The following AVEN variants were observed in gnomAD, a reference collection of about 807,000 sequenced individuals.
AVEN encodes the protein apoptosis and caspase activation inhibitor.
Under a neutral mutation model 38.1 loss-of-function variants are expected in AVEN, and 41 were observed. That is an observed-to-expected ratio of 1.08 (90% CI 0.84 to 1.40). AVEN has a LOEUF of 1.40. Among genes scored for constraint, AVEN ranks in the 40% most tolerant of loss-of-function variants. The pLI is 0.00. For missense variants in AVEN, 605 were observed against 438.8 expected (o/e 1.38, Z -3.38); for synonymous variants, 206 against 171.8 (o/e 1.20, Z -1.56).
chr15:33,980,883 C>T (rs986434911), intron 2 of AVEN, among the ~76,000 whole-genome samples: 1 of 152,136 alleles, frequency 6.6e-6, no homozygotes, highest in African/African-American at 2.4e-5. Context: ...AAAAATACAG[C>T]TAAATGTAGC....
chr15:33,909,906 A>G (rs969488702), intron 2 of AVEN, among the ~76,000 whole-genome samples: 3 of 151,732 alleles, frequency 2.0e-5, no homozygotes, highest in African/African-American at 7.3e-5. Flanking sequence ...AGGCGGGTGG[A>G]TCACCTGAGG....
chr15:33,983,211 T>C lies in AVEN; in HGVS notation c.445+19821A>G, dbSNP rs371298232. On this transcript the variant is annotated intron_variant, in intron 2 of 5. Coordinates refer to ENST00000306730, the MANE Select transcript of AVEN (RefSeq NM_020371.3). ...GTGTGTATGTGTGTGTATATATATA[T>C]ATACATATATATACACACACATACA... Among the ~76,000 whole-genome samples the C allele has an allele frequency of 8.6e-3, 125 of 14,524 alleles. 1 individual carries two copies. Among genetic ancestry groups the C allele is most frequent in the African/African-American group, 0.026 (112 of 4,322 alleles). The allele number at this position is 14,524 out of a possible 152,430, so 9.5% of individuals were successfully genotyped here.
At position 34,039,118 on chromosome 15, in the gene AVEN, C is replaced by G; in HGVS notation, c.-72G>C. On this transcript the variant is annotated 5_prime_UTR_variant, in exon 1 of 6. Coordinates refer to ENST00000306730, the MANE Select transcript of AVEN (RefSeq NM_020371.3). Reference sequence around the variant, plus strand: ...GGAGACGCCCTGGCCCCACCGGAAGCGGGCCGCACGGAGGAGCCGCGAGCG... The same window carrying G: ...GGAGACGCCCTGGCCCCACCGGAAGGGGGCCGCACGGAGGAGCCGCGAGCG... The G allele has an allele frequency of 9.5e-7, 1 of 1,048,558 alleles. No individual in the cohort carries two copies. Among genetic ancestry groups the G allele is most frequent in the Non-Finnish European group, 1.1e-6 (1 of 870,694 alleles). The allele number at this position is 1,048,558 out of a possible 1,614,324, so 65.0% of individuals were successfully genotyped here. A position where few individuals can be genotyped will look rare whatever the true frequency, so the allele number is the denominator to read the frequency against.
intron 2 of AVEN, among the ~76,000 whole-genome samples, chr15:33,912,643 C>T (rs1207676445): frequency 6.6e-6 from 1 of 152,146 alleles, no homozygotes; most frequent in Non-Finnish European, 1.5e-5. Context: ...CTAATCTTAG[C>T]TCTGTATGTT....
chr15:33,890,083 G>T (rs1000339799), intron 2 of AVEN, among the ~76,000 whole-genome samples: 16 of 152,222 alleles, frequency 1.1e-4, no homozygotes, highest in African/African-American at 3.9e-4. Context: ...GTGCATCACT[G>T]ATAGTGTCTA....
downstream of AVEN, among the ~76,000 whole-genome samples, chr15:33,863,835 T>TA (rs1365915084): frequency 6.6e-6 from 1 of 152,232 alleles, no homozygotes; most frequent in Admixed American, 6.5e-5. Context: ...TTTATTGTTT[T>TA]ATTAGAATTT....
At chr15:33,931,349 C>CTTTTTTTTTTTTTTTTTTTTTTTTTTTTT (rs71119903) in intron 2 of AVEN, among the ~76,000 whole-genome samples, 1 of 89,296 alleles carries the variant, frequency 1.1e-5, no homozygotes, top group African/African-American at 5.2e-5. Context: ...TGAATATTTT[C>CTTTTTTTTTTTTTTTTTTTTTTTTTTTTT]TTTTTTTTTT....
chr15:34,022,339 C>T (rs1898237608), intron 1 of AVEN, among the ~76,000 whole-genome samples: 1 of 152,234 alleles, frequency 6.6e-6, no homozygotes, highest in Non-Finnish European at 1.5e-5. Flanking sequence ...CTATAATCTG[C>T]ATCTCCCTTC....
At chr15:34,019,312 G>C (rs2140707279) in intron 1 of AVEN, among the ~76,000 whole-genome samples, 1 of 152,252 alleles carries the variant, frequency 6.6e-6, no homozygotes, top group Admixed American at 6.5e-5. Flanking sequence ...AGCTTATAAA[G>C]ATATATTTTG....
intron 2 of AVEN, among the ~76,000 whole-genome samples, chr15:33,879,810 A>C (rs1451166627): frequency 1.3e-5 from 2 of 152,234 alleles, no homozygotes; most frequent in African/African-American, 4.8e-5. Flanking sequence ...GAAAAATCAG[A>C]TACAGTAGCT....
intron 1 of AVEN, among the ~76,000 whole-genome samples, chr15:34,008,945 TGCGC>T (rs71119911): frequency 0.58 from 86,638 of 148,832 alleles, 29,171 homozygotes; most frequent in Non-Finnish European, 0.75. Context: ...CACTCACACG[TGCGC>T]GCGCGCACAC....
chr15:34,066,642 A>G (rs625596), intron 3 of AVEN: 71,888 of 151,948 alleles, frequency 0.47, 20,545 homozygotes, highest in Non-Finnish European at 0.64. Context: ...TGTCTCTACA[A>G]AAAAAATTTT....
At chr15:33,868,043 G>T (rs780924423) in intron 4 of AVEN, among the ~76,000 whole-genome samples, 188 bp from the exon 5 acceptor site, 1 of 152,124 alleles carries the variant, frequency 6.6e-6, no homozygotes, top group Non-Finnish European at 1.5e-5. Context: ...GGTAAATGTG[G>T]GAGACCTCAC....
Position 33,866,474 on chromosome 15 carries a change from G to C in AVEN, c.*139C>G, listed in dbSNP as rs1158369563. On this transcript the variant is annotated 3_prime_UTR_variant, in exon 6 of 6. Coordinates refer to ENST00000306730, the MANE Select transcript of AVEN (RefSeq NM_020371.3). ...CTTTCAGATGTCAAACACAGAGGTA[G>C]GCATTTACTGCTGTGAGCATAATGG... 1.5e-5 allele frequency: 9 copies of C among 620,052 alleles called. No homozygotes were observed. The highest frequency in any genetic ancestry group is 2.6e-5 in the Non-Finnish European group (9 of 347,846). The allele number at this position is 620,052 out of a possible 1,614,324, so 38.4% of individuals were successfully genotyped here.
chr15:34,004,221 T>C (rs996964545), intron 1 of AVEN, among the ~76,000 whole-genome samples: 2 of 152,238 alleles, frequency 1.3e-5, no homozygotes. Flanking sequence ...GACTATGTTG[T>C]ATAGATTTTT....
chr15:34,016,937 C>T (rs778783926), intron 1 of AVEN, among the ~76,000 whole-genome samples: 31 of 151,916 alleles, frequency 2.0e-4, no homozygotes, highest in Admixed American at 1.6e-3. Flanking sequence ...AAGATCAGCC[C>T]GGACAACATG....
intron 1 of AVEN, among the ~76,000 whole-genome samples, chr15:34,024,302 T>C (rs1468736353): frequency 2.6e-5 from 4 of 151,982 alleles, no homozygotes; most frequent in African/African-American, 9.7e-5. Flanking sequence ...TGATAAATGG[T>C]ATCAAAATAA....
chr15:33,880,679 T>C (rs8024867), intron 2 of AVEN, among the ~76,000 whole-genome samples: 5,666 of 152,162 alleles, frequency 0.037, 316 homozygotes, highest in South Asian at 0.12. Context: ...TAATTTACAA[T>C]GTCCAATATT....
chr15:33,852,656 C>T, the AVEN span: 1 of 178,030 alleles, frequency 5.6e-6, no homozygotes, highest in Non-Finnish European at 1.2e-5. Context: ...CAGTAGGTGA[C>T]ATAAAGTAGT....
Sources: gnomAD v4.1 joint callset for allele counts (sites outside exome capture counted in the v4.1 genomes callset) on GRCh38, gnomAD v4.1.1 for gene constraint, MANE v1.5 for transcripts, NCBI Gene and HGNC (gene_info 2026-07-23, HGNC 2026-07-21) for gene names.